Variants in RYR3 observed in about 807,000 individuals in gnomAD.
RYR3 encodes the protein ryanodine receptor 3, also known as brain ryanodine receptor-calcium release channel.
A neutral mutation model predicts 584.3 loss-of-function variants in RYR3; 207 were observed. That is an observed-to-expected ratio of 0.35 (90% CI 0.32 to 0.40). The LOEUF (loss-of-function observed/expected upper bound fraction) is 0.40, where lower values mean the gene tolerates loss of function less well. Ranked by LOEUF, RYR3 falls within the 10% of genes least tolerant of loss-of-function variation. RYR3 has a pLI of 1.00. For synonymous variants in RYR3, 2,416 were observed against 2,248.5 expected, an observed-to-expected ratio of 1.07 and a Z score of -2.11; for missense variants, 5,616 against 6,089.2, an observed-to-expected ratio of 0.92 and a Z score of 2.59.
chr15:33,568,492 G>C (rs943801629), intron 12 of RYR3, among the ~76,000 whole-genome samples: 2 of 151,294 alleles, frequency 1.3e-5, no homozygotes, highest in African/African-American at 4.9e-5. Context: ...TTTTGTTTGA[G>C]ATAGGGTCTC....
At chr15:33,400,907 A>G (rs923601272) in intron 1 of RYR3, among the ~76,000 whole-genome samples, 9 of 152,358 alleles carry the variant, frequency 5.9e-5, no homozygotes, top group South Asian at 2.1e-4. Context: ...GTTTGGGTCA[A>G]TCATACTGAC....
intron 27 of RYR3, among the ~76,000 whole-genome samples, chr15:33,641,219 G>C (rs570855583): frequency 6.6e-6 from 1 of 152,208 alleles, no homozygotes; most frequent in South Asian, 2.1e-4. Flanking sequence ...TTCAGTCCCC[G>C]TTGCTTGCTG....
intron 38 of RYR3, among the ~76,000 whole-genome samples, chr15:33,674,842 A>G (rs1050777294): frequency 1.3e-5 from 2 of 151,552 alleles, no homozygotes; most frequent in Non-Finnish European, 2.9e-5. Flanking sequence ...AGCAAAGTTC[A>G]TGTCATATAC....
chr15:33,723,373 TAAAC>T (rs1187653833), intron 44 of RYR3, among the ~76,000 whole-genome samples: 6 of 150,626 alleles, frequency 4.0e-5, no homozygotes, highest in Non-Finnish European at 5.9e-5. Flanking sequence ...AATAAATAAA[TAAAC>T]CAGCTGCAAA....
rs7183038 is a variant in RYR3 at position 33,347,767 on chromosome 15, C to G, written c.51+36671C>G. ...CCTTTGTCATAGCCCATCAATTAAA[C>G]AAAATTTGCTTTTAGGACTTCCTTA... On this transcript the variant is annotated intron_variant, in intron 1 of 103. Transcript: ENST00000634891. Among the ~76,000 whole-genome samples the G allele has an allele frequency of 3.2e-4, 48 of 152,154 alleles. 1 individual carries two copies. The highest frequency in any genetic ancestry group is 1.1e-3 in the African/African-American group (47 of 41,506).
chr15:33,665,898 AG>A (rs1171375774), intron 36 of RYR3, among the ~76,000 whole-genome samples: 1 of 152,254 alleles, frequency 6.6e-6, no homozygotes, highest in Non-Finnish European at 1.5e-5. Flanking sequence ...TCATTTCAGA[AG>A]TCAGTAACTC....
chr15:33,433,278 CTTTG>C (rs1378572551), intron 1 of RYR3, among the ~76,000 whole-genome samples: 1 of 152,132 alleles, frequency 6.6e-6, no homozygotes, highest in Non-Finnish European at 1.5e-5. Flanking sequence ...AGAAGAGTAT[CTTTG>C]TTTGATTTGG....
chr15:33,836,223 T>C (rs752546255), intron 87 of RYR3, among the ~76,000 whole-genome samples: 6 of 150,264 alleles, frequency 4.0e-5, no homozygotes, highest in Non-Finnish European at 5.9e-5. Context: ...GTAAAAGGTA[T>C]GTGACTCGGA....
chr15:33,425,701 C>A (rs2596222), intron 1 of RYR3, among the ~76,000 whole-genome samples: 6 of 147,746 alleles, frequency 4.1e-5, no homozygotes, highest in African/African-American at 1.5e-4. Flanking sequence ...GAGTGAATTG[C>A]CGTGATCTTG....
chr15:33,759,937 G>T (rs1285923272), intron 60 of RYR3, among the ~76,000 whole-genome samples: 1 of 152,216 alleles, frequency 6.6e-6, no homozygotes, highest in East Asian at 1.9e-4. Flanking sequence ...ACTAACAGTA[G>T]ATCTCTCAGC....
At chr15:33,695,528 C>T (rs993582451) in intron 38 of RYR3, among the ~76,000 whole-genome samples, 3 of 152,112 alleles carry the variant, frequency 2.0e-5, no homozygotes, top group African/African-American at 7.2e-5. Flanking sequence ...GATGCAGTGT[C>T]AGCTGACTCT....
chr15:33,480,435 T>C (rs1226274582), intron 2 of RYR3, among the ~76,000 whole-genome samples: 1 of 152,240 alleles, frequency 6.6e-6, no homozygotes, highest in Non-Finnish European at 1.5e-5. Context: ...TAGCATTTAG[T>C]ATCAGCACAG....
At chr15:33,856,719 C>G (rs957897217) in intron 98 of RYR3, 1 of 153,340 alleles carries the variant, frequency 6.5e-6, no homozygotes, top group Non-Finnish European at 1.4e-5. Flanking sequence ...AGTGCAGTGG[C>G]GCGATCTCAG....
chr15:33,318,130 G>A (rs1292534849), intron 1 of RYR3, among the ~76,000 whole-genome samples: 1 of 152,260 alleles, frequency 6.6e-6, no homozygotes, highest in Non-Finnish European at 1.5e-5. Context: ...GTGCAAAGGA[G>A]GCAGAGAGAG....
rs767059004 is a variant in RYR3 at position 33,662,536 on chromosome 15, C to T, written c.5006C>T (p.Thr1669Ile). ...CTCAAGCCCGGGTTCAGGTTCTCCA[C>T]CCCTTGCTTTGTTGTGACTGGTGAG... The part of the protein sequence containing the change: ...TCLKPGFRFS[T>I]PCFVVTGEDH... The change falls in exon 35 of 104, where the codon ACC becomes ATC. Residue 1669 changes from threonine (T) to isoleucine (I), a missense_variant. Physicochemically the swap from Thr to Ile is moderately conservative, Grantham distance 89. Transcript: ENST00000634891. 1.2e-6 allele frequency: 2 copies of T among 1,614,034 alleles called. No homozygotes were observed. The highest frequency in any genetic ancestry group is 2.2e-5 in the South Asian group (2 of 91,080).
chr15:33,700,461 A>G (rs1364680635), intron 41 of RYR3, among the ~76,000 whole-genome samples: 5 of 152,244 alleles, frequency 3.3e-5, no homozygotes, highest in South Asian at 2.1e-4. Context: ...ACGGGTTTTT[A>G]TTTCTCAAAT....
intron 1 of RYR3, among the ~76,000 whole-genome samples, chr15:33,428,593 G>GT (rs893935336): frequency 1.5e-4 from 22 of 151,400 alleles, no homozygotes; most frequent in South Asian, 1.3e-3. Context: ...TTTATTCAGA[G>GT]TTTTTTTTTC....
At chr15:33,640,046 C>CT (rs2061711507) in intron 27 of RYR3, among the ~76,000 whole-genome samples, 1 of 144,158 alleles carries the variant, frequency 6.9e-6, no homozygotes. Context: ...AGGCACTCCC[C>CT]TGAGGGACAT....
chr15:33,824,262 A>G, intron 81 of RYR3, among the ~76,000 whole-genome samples: 1 of 152,222 alleles, frequency 6.6e-6, no homozygotes, highest in East Asian at 1.9e-4. Context: ...GACAGGTGAT[A>G]TACGCTTAGA....
Sources: gnomAD v4.1 joint callset for allele counts (sites outside exome capture counted in the v4.1 genomes callset) on GRCh38, gnomAD v4.1.1 for gene constraint, MANE v1.5 for transcripts, NCBI Gene and HGNC (gene_info 2026-07-23, HGNC 2026-07-21) for gene names.